The following TMEM135 variants were observed in gnomAD, a reference collection of about 807,000 sequenced individuals.
TMEM135 encodes the protein transmembrane protein 135, also known as peroxisomal membrane protein 52.
TMEM135 carries 30 observed loss-of-function variants against 60.3 expected under a neutral mutation model. That is an observed-to-expected ratio of 0.50 (90% CI 0.37 to 0.68). The LOEUF is 0.68. TMEM135 is among the 30% of genes least tolerant of loss of function. The probability of loss-of-function intolerance (pLI) is 0.00; values close to 1 mark genes in which losing one functional copy is unlikely to be tolerated. For missense variants in TMEM135, 468 were observed against 548.8 expected, an observed-to-expected ratio of 0.85 and a Z score of 1.47; for synonymous variants, 190 against 186.7, an observed-to-expected ratio of 1.02 and a Z score of -0.14.
intron 1 of TMEM135, among the ~76,000 whole-genome samples, chr11:87,062,082 T>C (rs1251876043): frequency 6.6e-6 from 1 of 152,150 alleles, no homozygotes; most frequent in East Asian, 1.9e-4. Flanking sequence ...CTCGGCTCAC[T>C]GCAGCCTCCA....
chr11:87,120,468 A>ATTTTTTTTTTTT (rs1555106504), intron 4 of TMEM135, among the ~76,000 whole-genome samples: 1 of 77,234 alleles, frequency 1.3e-5, no homozygotes, highest in Non-Finnish European at 2.6e-5. Context: ...ATGAGATGAA[A>ATTTTTTTTTTTT]TTTCTTTTTT....
Position 87,076,655 on chromosome 11 carries a change from G to A in TMEM135, c.362+5040G>A, listed in dbSNP as rs926418515. 2.0e-5 allele frequency among the ~76,000 whole-genome samples: 3 copies of A among 152,326 alleles called. No homozygotes were observed. In the South Asian group the frequency reaches 6.2e-4, roughly 32 times the overall value. ...GCTGGGAATGTGCTAGGTCACATCT[G>A]TAGTGGGCATGTCTCAGAGCCCAAG... On this transcript the variant is annotated intron_variant, in intron 3 of 14. Transcript: ENST00000305494.
chr11:87,302,208 G>A, intron 7 of TMEM135, 88 bp from the exon 8 acceptor site: 1 of 1,338,692 alleles, frequency 7.5e-7, no homozygotes, highest in Middle Eastern at 1.9e-4. Flanking sequence ...ACTTGCCAAA[G>A]CGTATTTGTT....
intron 1 of TMEM135, among the ~76,000 whole-genome samples, chr11:87,058,906 A>G (rs940598220): frequency 6.6e-6 from 1 of 151,434 alleles, no homozygotes; most frequent in Non-Finnish European, 1.5e-5. Flanking sequence ...AGGCATGAGA[A>G]CAAGGTCTTA....
At chr11:87,281,083 C>G (rs1234207011) in intron 6 of TMEM135, among the ~76,000 whole-genome samples, 1 of 152,030 alleles carries the variant, frequency 6.6e-6, no homozygotes, top group East Asian at 1.9e-4. Flanking sequence ...AGCACATTAT[C>G]AATATAAAGA....
chr11:87,071,538 A>G lies in TMEM135; in HGVS notation c.285A>G (p.Lys95=), dbSNP rs141777139. The change falls in exon 3 of 15, where the codon AAA becomes AAG. Residue 95 remains lysine (K), a synonymous_variant. Transcript: ENST00000305494. ...FFCILRKILG[K]FYSWTPGFGA... ...TGAATTTCAGGAAGATACTTGGAAA[A>G]TTCTACTCATGGACTCCTGGCTTTG... 5 of 1,614,016 alleles carry G rather than the reference A, an allele frequency of 3.1e-6. No individual in the cohort carries two copies. Among genetic ancestry groups the G allele is most frequent in the Non-Finnish European group, 4.2e-6 (5 of 1,179,956 alleles).
At chr11:87,244,490 T>C (rs1365246438) in intron 6 of TMEM135, among the ~76,000 whole-genome samples, 1 of 96,316 alleles carries the variant, frequency 1.0e-5, no homozygotes, top group Non-Finnish European at 2.4e-5. Context: ...TGGACTCTTT[T>C]TGGTTGGTAA....
In TMEM135 at chr11:87,259,066, A is replaced by T. The variant is rs1941590061; in HGVS notation, c.509+22382A>T. On this transcript the variant is annotated intron_variant, in intron 6 of 14. Transcript: ENST00000305494. ...CCTGTACATTTTGTGAGCCACAAAGAGGGAGAGAAAGAAGAGGTTCTGGCC... is the reference window on the plus strand; with the variant it reads ...CCTGTACATTTTGTGAGCCACAAAGTGGGAGAGAAAGAAGAGGTTCTGGCC... The T allele has an allele frequency of 1.1e-5, 14 of 1,290,500 alleles. No individual in the cohort carries two copies. In the South Asian group the frequency reaches 1.2e-4, roughly 11 times the overall value. The allele number at this position is 1,290,500 out of a possible 1,614,324, so 79.9% of individuals were successfully genotyped here. A position where few individuals can be genotyped will look rare whatever the true frequency, so the allele number is the denominator to read the frequency against.
intron 5 of TMEM135, among the ~76,000 whole-genome samples, chr11:87,211,288 A>AAAACCCTTAT (rs1940363301): frequency 6.6e-6 from 1 of 152,234 alleles, no homozygotes; most frequent in Non-Finnish European, 1.5e-5. Flanking sequence ...TATCCTCATT[A>AAAACCCTTAT]AAACCCTTAT....
chr11:87,191,958 T>C (rs984751279), intron 5 of TMEM135, among the ~76,000 whole-genome samples: 1 of 150,992 alleles, frequency 6.6e-6, no homozygotes, highest in Admixed American at 6.6e-5. Flanking sequence ...CTGGTTTTTC[T>C]ATTTCTTTTG....
intron 1 of TMEM135, among the ~76,000 whole-genome samples, chr11:87,063,459 G>T (rs1414796203): frequency 6.6e-6 from 1 of 152,202 alleles, no homozygotes; most frequent in Non-Finnish European, 1.5e-5. Flanking sequence ...GATATCTGAT[G>T]ATTTTATACA....
At chr11:87,246,286 T>G (rs1407811167) in intron 6 of TMEM135, among the ~76,000 whole-genome samples, 1 of 150,296 alleles carries the variant, frequency 6.7e-6, no homozygotes, top group African/African-American at 2.5e-5. Flanking sequence ...CCCTTAACAT[T>G]TTTTCCTTCA....
intron 14 of TMEM135, among the ~76,000 whole-genome samples, chr11:87,319,834 C>A (rs12292705): frequency 0.36 from 55,347 of 151,976 alleles, 11,060 homozygotes; most frequent in Middle Eastern, 0.47. Context: ...TAATCTAATT[C>A]TTTGGGAGGC....
chr11:87,091,246 C>G (rs1392771040), intron 3 of TMEM135, 116 bp from the exon 4 acceptor site: 1 of 874,282 alleles, frequency 1.1e-6, no homozygotes, highest in Non-Finnish European at 1.8e-6. Flanking sequence ...TTCTAAGATA[C>G]CAGTACGTTT....
At chr11:87,047,323 C>T (rs571812853) in intron 1 of TMEM135, among the ~76,000 whole-genome samples, 26 of 152,124 alleles carry the variant, frequency 1.7e-4, no homozygotes, top group African/African-American at 5.8e-4. Context: ...CCAAGATGGC[C>T]GAATAGGAAC....
At chr11:87,309,436 A>C in intron 9 of TMEM135, 69 bp from the exon 10 acceptor site, 1 of 1,532,130 alleles carries the variant, frequency 6.5e-7, no homozygotes, top group East Asian at 2.3e-5. Flanking sequence ...TTGAGATGGT[A>C]AAATTCGTAT....
rs1312157324 is a variant in TMEM135, at chr11:87,157,506, T to C, written c.462+100T>C. On this transcript the variant is annotated intron_variant, in intron 5 of 14. Coordinates refer to ENST00000305494, the MANE Select transcript of TMEM135 (RefSeq NM_022918.4). ...AATCTATGATGCTTTGTCTAAGAAA[T>C]AGAGAGATATCTGATGTATATAATA... 2.6e-5 allele frequency: 27 copies of C among 1,029,858 alleles called. No homozygotes were observed. In the East Asian group the frequency reaches 6.4e-4, roughly 24 times the overall value. 63.8% of individuals were successfully genotyped at this position (1,029,858 alleles called of 1,614,324 possible). A position where few individuals can be genotyped will look rare whatever the true frequency, so the allele number is the denominator to read the frequency against.
chr11:87,189,701 T>G (rs973991021), intron 5 of TMEM135, among the ~76,000 whole-genome samples: 1 of 150,656 alleles, frequency 6.6e-6, no homozygotes, highest in Non-Finnish European at 1.5e-5. Context: ...GGAGGATGCT[T>G]GAGCCCAAGA....
chr11:87,267,905 T>G (rs1410909243), intron 6 of TMEM135, among the ~76,000 whole-genome samples: 1 of 152,078 alleles, frequency 6.6e-6, no homozygotes, highest in African/African-American at 2.4e-5. Context: ...TTGACCAGAA[T>G]GGTCTCGAAC....
Sources: allele counts gnomAD v4.1 joint callset (sites outside exome capture counted in the v4.1 genomes callset), GRCh38; gene constraint gnomAD v4.1.1; transcripts MANE v1.5; gene names NCBI Gene and HGNC (gene_info 2026-07-23, HGNC 2026-07-21).